Variants in NPAS3 observed in about 807,000 individuals in gnomAD.
The protein encoded by NPAS3 is neuronal PAS domain-containing protein 3.
Under a neutral mutation model 73.1 loss-of-function variants are expected in NPAS3, and 14 were observed. The ratio of observed to expected loss-of-function variants is 0.19; its 90% CI spans 0.13 to 0.30. The LOEUF (loss-of-function observed/expected upper bound fraction) is 0.30. Ranked by LOEUF, NPAS3 falls within the 10% of genes least tolerant of loss-of-function variation. NPAS3 has a pLI of 1.00. For missense variants in NPAS3, 1,096 were observed against 1,250.0 expected (o/e 0.88, Z 1.86); for synonymous variants, 620 against 541.5 (o/e 1.14, Z -2.01).
At chr14:33,595,381 A>G (rs902763332) in intron 5 of NPAS3, among the ~76,000 whole-genome samples, 49 of 152,148 alleles carry the variant, frequency 3.2e-4, no homozygotes, top group African/African-American at 1.0e-3. Context: ...AGACCTATCA[A>G]TCTGCCTTAT....
At chr14:33,572,648 A>G (rs918101755) in intron 5 of NPAS3, among the ~76,000 whole-genome samples, 1 of 152,188 alleles carries the variant, frequency 6.6e-6, no homozygotes, top group African/African-American at 2.4e-5. Flanking sequence ...CGGTTTACGT[A>G]ACTGGCATGT....
chr14:33,081,776 C>T (rs1052288758), intron 2 of NPAS3, among the ~76,000 whole-genome samples: 30 of 152,200 alleles, frequency 2.0e-4, no homozygotes, highest in African/African-American at 7.0e-4. Context: ...CAAAAGGAAC[C>T]ACTTCTTCAC....
At chr14:33,532,569 A>C (rs1490635346) in intron 4 of NPAS3, among the ~76,000 whole-genome samples, 1 of 152,092 alleles carries the variant, frequency 6.6e-6, no homozygotes, top group African/African-American at 2.4e-5. Context: ...TAAATGGCTC[A>C]ACCTAGGATT....
intron 9 of NPAS3, among the ~76,000 whole-genome samples, chr14:33,789,331 C>T (rs2063277104): frequency 6.6e-6 from 1 of 152,260 alleles, no homozygotes; most frequent in Admixed American, 6.5e-5. Context: ...CAACAAGAGC[C>T]TCCTGGTTTT....
chr14:33,109,281 T>G (rs2042815801), intron 2 of NPAS3, among the ~76,000 whole-genome samples: 1 of 152,176 alleles, frequency 6.6e-6, no homozygotes, highest in Non-Finnish European at 1.5e-5. Flanking sequence ...TTTAAATCTT[T>G]GAACCTCAGT....
At chr14:32,946,765 G>C (rs2036280186) in intron 1 of NPAS3, among the ~76,000 whole-genome samples, 1 of 152,148 alleles carries the variant, frequency 6.6e-6, no homozygotes, top group East Asian at 1.9e-4. Context: ...GAAAGGATAA[G>C]TTGCCTTTTA....
At chr14:33,694,635 T>C (rs542150898) in intron 6 of NPAS3, among the ~76,000 whole-genome samples, 3 of 152,204 alleles carry the variant, frequency 2.0e-5, no homozygotes, top group Non-Finnish European at 2.9e-5. Context: ...AACATGAACA[T>C]TAATGGGTCA....
chr14:33,626,444 G>A (rs1329827159), intron 5 of NPAS3, among the ~76,000 whole-genome samples: 2 of 152,138 alleles, frequency 1.3e-5, no homozygotes, highest in Non-Finnish European at 2.9e-5. Context: ...CTCCAGGGGT[G>A]TATACGTCCC....
chr14:33,123,761 G>A (rs144131066), intron 2 of NPAS3, among the ~76,000 whole-genome samples: 147 of 151,752 alleles, frequency 9.7e-4, no homozygotes, highest in African/African-American at 3.3e-3. Flanking sequence ...ATATTCAGCT[G>A]TTGAGTTTCT....
At chr14:33,358,780 T>G (rs749305975) in intron 3 of NPAS3, among the ~76,000 whole-genome samples, 3 of 152,240 alleles carry the variant, frequency 2.0e-5, no homozygotes, top group Non-Finnish European at 2.9e-5. Flanking sequence ...TGTGGATACT[T>G]TTAGCTTTCT....
chr14:33,192,438 G>A (rs1278091349), intron 2 of NPAS3, among the ~76,000 whole-genome samples: 3 of 152,164 alleles, frequency 2.0e-5, no homozygotes, highest in Admixed American at 2.0e-4. Flanking sequence ...TGTGGTATGA[G>A]TTCAAACAGC....
intron 2 of NPAS3, among the ~76,000 whole-genome samples, chr14:33,077,933 T>C (rs550493512): frequency 6.6e-6 from 1 of 151,752 alleles, no homozygotes; most frequent in South Asian, 2.1e-4. Flanking sequence ...AGCTCAGGAG[T>C]TCGAGACCAG....
intron 5 of NPAS3, among the ~76,000 whole-genome samples, chr14:33,589,308 T>A (rs1399260097): frequency 6.6e-6 from 1 of 152,224 alleles, no homozygotes; most frequent in Non-Finnish European, 1.5e-5. Context: ...TAAATTCTAT[T>A]TGTAGTTGAA....
intron 4 of NPAS3, among the ~76,000 whole-genome samples, chr14:33,408,438 G>C (rs2047764262): frequency 6.6e-6 from 1 of 151,624 alleles, no homozygotes; most frequent in Admixed American, 6.6e-5. Context: ...AAATAACTCT[G>C]TTCTTTTTTT....
At chr14:33,058,897 A>G (rs1308163611) in intron 2 of NPAS3, among the ~76,000 whole-genome samples, 1 of 152,222 alleles carries the variant, frequency 6.6e-6, no homozygotes, top group Non-Finnish European at 1.5e-5. Context: ...TTCAGGGTAC[A>G]CTGGATTATA....
chr14:33,457,969 G>T (rs1021634350), intron 4 of NPAS3, among the ~76,000 whole-genome samples: 1 of 152,170 alleles, frequency 6.6e-6, no homozygotes, highest in Non-Finnish European at 1.5e-5. Context: ...AGTGGAAACC[G>T]CGACAGGTTC....
chr14:33,792,558 C>T (rs2063388383), intron 9 of NPAS3, among the ~76,000 whole-genome samples: 2 of 146,036 alleles, frequency 1.4e-5, no homozygotes, highest in South Asian at 2.3e-4. Context: ...AGTGACTTCC[C>T]TTCACACCCA....
At chr14:33,103,421 T>C (rs1011668360) in intron 2 of NPAS3, among the ~76,000 whole-genome samples, 1 of 152,196 alleles carries the variant, frequency 6.6e-6, no homozygotes, top group Non-Finnish European at 1.5e-5. Context: ...TCTGGCTTAC[T>C]TAAGTGGTGT....
chr14:33,357,011 CTCTT>C (rs1342069672), intron 3 of NPAS3, among the ~76,000 whole-genome samples: 6 of 152,158 alleles, frequency 3.9e-5, no homozygotes, highest in African/African-American at 1.2e-4. Context: ...AATTGTGCTC[CTCTT>C]TCTTGTTTAT....
Sources: gnomAD v4.1 joint callset for allele counts (sites outside exome capture counted in the v4.1 genomes callset) on GRCh38, gnomAD v4.1.1 for gene constraint, MANE v1.5 for transcripts, NCBI Gene and HGNC (gene_info 2026-07-23, HGNC 2026-07-21) for gene names.